HOMER1: variants seen among roughly 807,000 people sequenced by gnomAD.
HOMER1 encodes the protein homer scaffold protein 1, also known as homer protein homolog 1.
A neutral mutation model predicts 48.9 loss-of-function variants in HOMER1; 3 were observed. The observed-to-expected ratio is 0.06, with a 90% CI of 0.03 to 0.16. The LOEUF (loss-of-function observed/expected upper bound fraction) is 0.16, where lower values mean the gene tolerates loss of function less well. Ranked by LOEUF, HOMER1 falls within the 10% of genes least tolerant of loss-of-function variation. The pLI, the probability that HOMER1 is intolerant of heterozygous loss-of-function variation, is 1.00. For missense variants in HOMER1, 247 were observed against 411.4 expected, an observed-to-expected ratio of 0.60 and a Z score of 3.46; for synonymous variants, 134 against 146.4, an observed-to-expected ratio of 0.92 and a Z score of 0.61.
Position 79,513,678 on chromosome 5 carries a change from G to C in HOMER1, c.-904C>G, listed in dbSNP as rs895427801. The C allele has an allele frequency of 6.6e-6, 1 of 152,184 alleles. No individual in the cohort carries two copies. The highest frequency in any genetic ancestry group is 1.5e-5 in the Non-Finnish European group (1 of 68,116). 9.4% of individuals were successfully genotyped at this position (152,184 alleles called of 1,614,324 possible). A position where few individuals can be genotyped will look rare whatever the true frequency, so the allele number is the denominator to read the frequency against. On this transcript the variant is annotated 5_prime_UTR_variant, in exon 1 of 9. Transcript: ENST00000334082. ...TCCCTCCTCTCTTCAGAGCACAGCG[G>C]GTCTGAGGCTCCCGTCGGCGGAGAA...
At chr5:79,480,464 A>G (rs971976438) in intron 1 of HOMER1, among the ~76,000 whole-genome samples, 5 of 152,204 alleles carry the variant, frequency 3.3e-5, no homozygotes, top group Admixed American at 3.3e-4. Flanking sequence ...TCCAAAGCCC[A>G]TAACTTTTCA....
rs1412256198 is a variant in HOMER1 at position 79,376,296 on chromosome 5, T to C, written c.877-99A>G. ...CCAATATTGCGGTAATCAATGCAGT[T>C]TGACTGTCAGGATGAGCTGCAGAAT... On this transcript the variant is annotated intron_variant, in intron 8 of 8. Coordinates refer to ENST00000334082, the MANE Select transcript of HOMER1 (RefSeq NM_004272.5). 26 of 861,172 alleles carry C rather than the reference T, an allele frequency of 3.0e-5. No individual in the cohort carries two copies. The Admixed American group carries it at 4.8e-4, about 16-fold the overall frequency. The allele number at this position is 861,172 out of a possible 1,614,324, so 53.3% of individuals were successfully genotyped here.
At chr5:79,500,995 A>ACACACACACAC (rs1460147206) in intron 1 of HOMER1, among the ~76,000 whole-genome samples, 3 of 124,220 alleles carry the variant, frequency 2.4e-5, no homozygotes, top group East Asian at 2.5e-4. Flanking sequence ...CACACACACA[A>ACACACACACAC]GGTCTGGCTC....
At chr5:79,411,786 T>C (rs1344389293) in intron 5 of HOMER1, among the ~76,000 whole-genome samples, 2 of 152,100 alleles carry the variant, frequency 1.3e-5, no homozygotes, top group African/African-American at 4.8e-5. Context: ...TATGTAGAAC[T>C]GAGAAAAATA....
At chr5:79,510,224 GCTC>G (rs138991331) in intron 1 of HOMER1, among the ~76,000 whole-genome samples, 2,202 of 151,614 alleles carry the variant, frequency 0.015, 48 homozygotes, top group African/African-American at 0.05. Flanking sequence ...CAAAATGCTC[GCTC>G]CTTTTTCTCC....
chr5:79,488,415 T>G (rs1273348153), intron 1 of HOMER1, among the ~76,000 whole-genome samples: 1 of 152,256 alleles, frequency 6.6e-6, no homozygotes, highest in Admixed American at 6.5e-5. Flanking sequence ...TGGCATTTGT[T>G]TTCCTATGTG....
chr5:79,495,425 C>T (rs986974298), intron 1 of HOMER1, among the ~76,000 whole-genome samples: 2 of 152,204 alleles, frequency 1.3e-5, no homozygotes, highest in Non-Finnish European at 2.9e-5. Context: ...TTTCTCTGAC[C>T]TTCCAAGGTG....
At chr5:79,509,875 AG>A (rs888499267) in intron 1 of HOMER1, among the ~76,000 whole-genome samples, 1 of 152,210 alleles carries the variant, frequency 6.6e-6, no homozygotes, top group Non-Finnish European at 1.5e-5. Context: ...ACCTAACATT[AG>A]TTTAAAAAAA....
intron 1 of HOMER1, among the ~76,000 whole-genome samples, chr5:79,485,767 T>C (rs938295659): frequency 3.3e-5 from 5 of 152,136 alleles, no homozygotes; most frequent in African/African-American, 4.8e-5. Flanking sequence ...ATCTGACAGA[T>C]GATAGTGTTT....
intron 1 of HOMER1, among the ~76,000 whole-genome samples, chr5:79,473,807 C>T (rs1382697314): frequency 3.3e-5 from 5 of 152,032 alleles, no homozygotes; most frequent in Non-Finnish European, 5.9e-5. Context: ...CACATCATGG[C>T]AATAATTTTA....
chr5:79,479,819 T>C (rs1407558588), intron 1 of HOMER1, among the ~76,000 whole-genome samples: 1 of 152,208 alleles, frequency 6.6e-6, no homozygotes, highest in African/African-American at 2.4e-5. Context: ...TTCTATTATA[T>C]GTGTTTTTTC....
At chr5:79,510,936 A>G in intron 1 of HOMER1, 1 of 536,086 alleles carries the variant, frequency 1.9e-6, no homozygotes, top group South Asian at 3.1e-5. Context: ...GACTGGTGCG[A>G]CCCCCCGCCA....
chr5:79,381,824 G>A (rs1323537669), intron 8 of HOMER1, among the ~76,000 whole-genome samples: 1 of 151,846 alleles, frequency 6.6e-6, no homozygotes, highest in Non-Finnish European at 1.5e-5. Flanking sequence ...GGTGGAGGTT[G>A]CAGTAAGCCA....
chr5:79,421,068 T>C lies in HOMER1; in HGVS notation c.527+17942A>G, dbSNP rs1222126310. Among the ~76,000 whole-genome samples, 10 of 152,320 alleles carry C rather than the reference T, an allele frequency of 6.6e-5. No homozygotes were observed. In the East Asian group the frequency reaches 1.9e-3, roughly 29 times the overall value. The stretch of plus-strand genomic sequence containing the variant: ...CTGTGCTTTCCAGGTACTCCCAGAC[T>C]CTTGATATGTTTCAGTCACTGGTTT... On this transcript the variant is annotated intron_variant, in intron 5 of 8. Coordinates refer to ENST00000334082, the MANE Select transcript of HOMER1 (RefSeq NM_004272.5).
rs140104450 is a variant in HOMER1 at position 79,511,511 on chromosome 5, A to C, written c.5+1259T>G. The stretch of plus-strand genomic sequence containing the variant: ...GTAAGAAATAGAGTCCACAGAGGTC[A>C]AGTAATTTGCCTCAGATCACTAAGC... On this transcript the variant is annotated intron_variant, in intron 1 of 8. Transcript: ENST00000334082. Among the ~76,000 whole-genome samples the C allele has an allele frequency of 3.0e-4, 45 of 152,334 alleles. 1 individual carries two copies. The highest frequency in any genetic ancestry group is 1.5e-4 in the Non-Finnish European group (10 of 68,034).
intron 5 of HOMER1, among the ~76,000 whole-genome samples, chr5:79,414,961 G>C (rs1749905612): frequency 6.6e-6 from 1 of 152,140 alleles, no homozygotes; most frequent in Non-Finnish European, 1.5e-5. Flanking sequence ...CATATTCTAG[G>C]AAACACAGTG....
chr5:79,441,789 C>T (rs1750744213), intron 4 of HOMER1, among the ~76,000 whole-genome samples: 2 of 151,948 alleles, frequency 1.3e-5, no homozygotes, highest in Admixed American at 6.6e-5. Context: ...ACCCTCTTTC[C>T]CTCCAACTAC....
chr5:79,478,426 C>T (rs1412628711), intron 1 of HOMER1, among the ~76,000 whole-genome samples: 3 of 152,128 alleles, frequency 2.0e-5, no homozygotes, highest in East Asian at 1.9e-4. Flanking sequence ...CAGTGGCTCA[C>T]GCCTGTAATC....
chr5:79,386,237 G>T (rs1482298322), intron 8 of HOMER1, among the ~76,000 whole-genome samples: 2 of 152,136 alleles, frequency 1.3e-5, no homozygotes, highest in Non-Finnish European at 2.9e-5. Context: ...GCAGATAAAT[G>T]GATAAAGAAA....
Sources: allele counts gnomAD v4.1 joint callset (sites outside exome capture counted in the v4.1 genomes callset), GRCh38; gene constraint gnomAD v4.1.1; transcripts MANE v1.5; gene names NCBI Gene and HGNC (gene_info 2026-07-23, HGNC 2026-07-21).